Variants in BLK observed in about 807,000 individuals in gnomAD.
BLK encodes tyrosine-protein kinase Blk.
In BLK, 64 loss-of-function variants were observed where a neutral mutation model predicts 61.8. The observed-to-expected ratio is 1.03, with a 90% confidence interval of 0.85 to 1.27. The LOEUF is 1.27. Ranked by LOEUF, BLK falls within the 50% of genes most tolerant of loss-of-function variation. The pLI is 0.00. For synonymous variants in BLK, 351 were observed against 272.0 expected (o/e 1.29, Z -2.86); for missense variants, 853 against 660.5 (o/e 1.29, Z -3.19).
chr8:11,510,253 G>A (rs1023843643), intron 1 of BLK, among the ~76,000 whole-genome samples: 6 of 152,220 alleles, frequency 3.9e-5, no homozygotes, highest in Admixed American at 2.6e-4. Flanking sequence ...TTTAAAGTCA[G>A]TGTGATAGTG....
intron 2 of BLK, chr8:11,545,720 T>C: frequency 2.5e-6 from 1 of 393,686 alleles, no homozygotes; most frequent in South Asian, 3.2e-5. Context: ...TGTCAACAAA[T>C]ACCCGTTTGC....
At chr8:11,549,444 C>T (rs1285861437) in intron 5 of BLK, among the ~76,000 whole-genome samples, 2 of 152,360 alleles carry the variant, frequency 1.3e-5, no homozygotes, top group East Asian at 1.9e-4. Flanking sequence ...CATCCCCTCC[C>T]CTACAGCCTC....
chr8:11,525,798 G>A (rs532375311), intron 1 of BLK, among the ~76,000 whole-genome samples: 1 of 152,272 alleles, frequency 6.6e-6, no homozygotes, highest in East Asian at 1.9e-4. Flanking sequence ...AGGCTGGAGT[G>A]CAGTGGCATG....
intron 1 of BLK, among the ~76,000 whole-genome samples, chr8:11,530,517 A>G (rs1480940825): frequency 6.6e-6 from 1 of 152,252 alleles, no homozygotes; most frequent in Non-Finnish European, 1.5e-5. Context: ...ACAAAAGAAA[A>G]CACATTCTTA....
intron 10 of BLK, chr8:11,559,646 G>A: frequency 2.4e-6 from 1 of 421,296 alleles, no homozygotes; most frequent in Non-Finnish European, 4.7e-6. Context: ...TCCAAGGCCA[G>A]ATCTGGCCAA....
rs566113122 is a variant in BLK at position 11,564,589 on chromosome 8, C to G, written c.*481C>G. On this transcript the variant is annotated 3_prime_UTR_variant, in exon 13 of 13. Coordinates refer to ENST00000259089, the MANE Select transcript of BLK (RefSeq NM_001715.3). ...GCGGGGCTTTTCTGCAATAAAGTCA[C>G]GAGCGTTCGAGCTGTTCCGTGTCGT... 7.3e-6 allele frequency: 3 copies of G among 412,280 alleles called. No individual in the cohort carries two copies. Among genetic ancestry groups the G allele is most frequent in the Non-Finnish European group, 1.5e-5 (3 of 202,624 alleles). 25.5% of individuals were successfully genotyped at this position (412,280 alleles called of 1,614,324 possible).
rs139003574 is a variant in BLK, at chr8:11,550,186, G to A, written c.396G>A (p.Lys132=). 37 of 1,614,194 alleles carry A rather than the reference G, an allele frequency of 2.3e-5. No homozygotes were observed. Among genetic ancestry groups the A allele is most frequent in the Middle Eastern group, 1.7e-4 (1 of 6,032 alleles). The part of the protein sequence containing the change: ...ERWFFRSQGR[K]EAERQLLAPI... Reference sequence around the variant, plus strand: ...GGTTCTTTAGATCACAGGGTCGGAAGGAGGCTGAGAGGCAGCTTCTTGCTC... The same window carrying A: ...GGTTCTTTAGATCACAGGGTCGGAAAGAGGCTGAGAGGCAGCTTCTTGCTC... Residue 132 remains lysine, a synonymous_variant, in exon 6 of 13, where the codon AAG becomes AAA. Coordinates refer to ENST00000259089, the MANE Select transcript of BLK (RefSeq NM_001715.3).
rs201154603 is a variant in BLK at position 11,543,169 on chromosome 8, G to C, written c.-1-55G>C. 1.8e-3 allele frequency: 2,955 copies of C among 1,611,460 alleles called. 10 individuals carry two copies. The highest frequency in any genetic ancestry group is 1.9e-3 in the Non-Finnish European group (2,251 of 1,179,576). On this transcript the variant is annotated intron_variant, in intron 1 of 12. Coordinates refer to ENST00000259089, the MANE Select transcript of BLK (RefSeq NM_001715.3). ...AGGGGCCAGGGATCCCCTCTGTGCA[G>C]AGGATCTGAGGCCCCGCTCTCTCAT... is the stretch of plus-strand genomic sequence containing the variant.
intron 3 of BLK, among the ~76,000 whole-genome samples, chr8:11,546,816 TCTG>T (rs1481684761): frequency 6.6e-6 from 1 of 152,230 alleles, no homozygotes; most frequent in Admixed American, 6.5e-5. Context: ...CCTCAGGTGA[TCTG>T]CCCGCCTCAG....
intron 1 of BLK, among the ~76,000 whole-genome samples, chr8:11,525,844 A>C (rs1461351147): frequency 6.6e-6 from 1 of 152,068 alleles, no homozygotes; most frequent in Non-Finnish European, 1.5e-5. Flanking sequence ...TCCCTGGTTC[A>C]AGCGATTCTC....
At chr8:11,520,989 G>T (rs988450703) in intron 1 of BLK, among the ~76,000 whole-genome samples, 1 of 151,854 alleles carries the variant, frequency 6.6e-6, no homozygotes, top group Non-Finnish European at 1.5e-5. Flanking sequence ...AGTTAAATCA[G>T]AAAAATGAAT....
chr8:11,534,142 C>A (rs566020576), intron 1 of BLK, among the ~76,000 whole-genome samples: 1 of 152,360 alleles, frequency 6.6e-6, no homozygotes, highest in South Asian at 2.1e-4. Context: ...GGTTAAAATA[C>A]AAACTGAGGT....
chr8:11,523,397 G>A (rs549364119), intron 1 of BLK, among the ~76,000 whole-genome samples: 4 of 151,912 alleles, frequency 2.6e-5, no homozygotes, highest in African/African-American at 9.7e-5. Context: ...CTACTAAAAA[G>A]ACAAAAATTA....
intron 6 of BLK, among the ~76,000 whole-genome samples, chr8:11,553,978 C>T (rs1044535925): frequency 1.2e-4 from 18 of 152,108 alleles, no homozygotes; most frequent in Admixed American, 1.2e-3. Flanking sequence ...CTCGGGGAAC[C>T]GGGAGCCCCC....
At chr8:11,515,243 T>C (rs1413174850) in intron 1 of BLK, among the ~76,000 whole-genome samples, 5 of 152,078 alleles carry the variant, frequency 3.3e-5, no homozygotes, top group Non-Finnish European at 7.4e-5. Context: ...GTACAGGCGG[T>C]CTGGGCTTAC....
intron 3 of BLK, among the ~76,000 whole-genome samples, 181 bp from the exon 4 acceptor site, chr8:11,547,851 T>C (rs1213726557): frequency 6.6e-6 from 1 of 151,958 alleles, no homozygotes; most frequent in Non-Finnish European, 1.5e-5. Context: ...GGATGGGCTC[T>C]GGGGGGCAGC....
intron 1 of BLK, among the ~76,000 whole-genome samples, chr8:11,497,816 C>A (rs971698900): frequency 4.6e-5 from 7 of 152,332 alleles, no homozygotes; most frequent in Admixed American, 6.5e-5. Flanking sequence ...AGGCCTCTGG[C>A]ACATTCCACT....
intron 1 of BLK, among the ~76,000 whole-genome samples, chr8:11,513,300 C>G (rs1224404558): frequency 6.6e-6 from 1 of 152,104 alleles, no homozygotes; most frequent in Non-Finnish European, 1.5e-5. Flanking sequence ...GGGTACAAGG[C>G]TGATGCTGGC....
intron 10 of BLK, among the ~76,000 whole-genome samples, chr8:11,559,379 A>AGACTCACACAGACACGC (rs1801376317): frequency 7.3e-6 from 1 of 137,196 alleles, no homozygotes; most frequent in Non-Finnish European, 1.6e-5. Context: ...ACAGACACGC[A>AGACTCACACAGACACGC]AACTCACACA....
Sources: gnomAD v4.1 joint callset for allele counts (sites outside exome capture counted in the v4.1 genomes callset) on GRCh38, gnomAD v4.1.1 for gene constraint, MANE v1.5 for transcripts, NCBI Gene and HGNC (gene_info 2026-07-23, HGNC 2026-07-21) for gene names.